UPF1: variants seen among roughly 807,000 people sequenced by gnomAD.
UPF1 encodes the protein UPF1 RNA helicase and ATPase, also known as regulator of nonsense transcripts 1.
UPF1 carries 9 observed loss-of-function variants against 129.2 expected under a neutral mutation model. The ratio of observed to expected loss-of-function variants is 0.07; its 90% CI spans 0.04 to 0.12. The LOEUF (loss-of-function observed/expected upper bound fraction) is 0.12. UPF1 is among the 10% of genes least tolerant of loss of function. UPF1 has a pLI of 1.00. For synonymous variants in UPF1, 649 were observed against 644.9 expected (o/e 1.01, Z -0.10); for missense variants, 788 against 1,525.3 (o/e 0.52, Z 8.05).
chr19:18,850,301 A>G lies in UPF1; in HGVS notation c.629+59A>G. 5 of 1,520,356 alleles carry G rather than the reference A, an allele frequency of 3.3e-6. No homozygotes were observed. Among genetic ancestry groups the G allele is most frequent in the Non-Finnish European group, 4.4e-6 (5 of 1,136,676 alleles). The allele number at this position is 1,520,356 out of a possible 1,614,324, so 94.2% of individuals were successfully genotyped here. A position where few individuals can be genotyped will look rare whatever the true frequency, so the allele number is the denominator to read the frequency against. ...CTTTAAGCTCCAGCCGTCTCCTCACAAGCCTTGGCCCAGCCCAGCCCAGCC... is the reference window on the plus strand; with the variant it reads ...CTTTAAGCTCCAGCCGTCTCCTCACGAGCCTTGGCCCAGCCCAGCCCAGCC... On this transcript the variant is annotated intron_variant, in intron 4 of 23. Coordinates refer to ENST00000262803, the MANE Select transcript of UPF1 (RefSeq NM_002911.4). The surrounding 1 kb of genome is among the most constrained non-coding windows in gnomAD (Gnocchi z 7.1).
chr19:18,855,278 G>C (rs1434878954), intron 11 of UPF1, 36 bp downstream of exon 11: 1 of 1,599,554 alleles, frequency 6.3e-7, no homozygotes, highest in Non-Finnish European at 8.5e-7. Flanking sequence ...CAAGACCCGG[G>C]AGGGCTTTAG....
chr19:18,857,834 G>A (rs1033608600), intron 15 of UPF1, among the ~76,000 whole-genome samples: 2 of 152,230 alleles, frequency 1.3e-5, no homozygotes, highest in African/African-American at 4.8e-5. Context: ...GCTGAGCCCG[G>A]GCCTTAACGT....
intron 1 of UPF1, among the ~76,000 whole-genome samples, chr19:18,841,343 C>A (rs985004017): frequency 6.6e-6 from 1 of 152,154 alleles, no homozygotes; most frequent in Admixed American, 6.5e-5. Flanking sequence ...GATACTCAGC[C>A]ATTTTGACCT....
Position 18,832,194 on chromosome 19 carries a change from C to T in UPF1, c.-16C>T. On this transcript the variant is annotated 5_prime_UTR_variant, in exon 1 of 24. Transcript: ENST00000262803. The surrounding 1 kb of genome is among the most constrained non-coding windows in gnomAD (Gnocchi z 5.6). ...TGCAGCGCGGAACCGGCCCGAGGGC[C>T]CTACCCGGAGGCACCATGAGCGTGG... 1 of 1,532,732 alleles carries T rather than the reference C, an allele frequency of 6.5e-7. No individual in the cohort carries two copies. Among genetic ancestry groups the T allele is most frequent in the Non-Finnish European group, 8.8e-7 (1 of 1,138,392 alleles). 94.9% of individuals were successfully genotyped at this position (1,532,732 alleles called of 1,614,324 possible). A position where few individuals can be genotyped will look rare whatever the true frequency, so the allele number is the denominator to read the frequency against.
At chr19:18,842,068 G>A (rs1230963747) in intron 1 of UPF1, among the ~76,000 whole-genome samples, 1 of 152,192 alleles carries the variant, frequency 6.6e-6, no homozygotes, top group Admixed American at 6.5e-5. Context: ...CTGCACTCCA[G>A]CCTGGGTGGC....
Position 18,851,573 on chromosome 19 carries a change from C to T in UPF1, c.811-562C>T, listed in dbSNP as rs1050359237. Among the ~76,000 whole-genome samples, 1 of 152,178 alleles carries T rather than the reference C, an allele frequency of 6.6e-6. No individual in the cohort carries two copies. Among genetic ancestry groups the T allele is most frequent in the African/African-American group, 2.4e-5 (1 of 41,434 alleles). Reference sequence around the variant, plus strand: ...ATGATTCCCGTTTATATCTGAACAGCCCAGAAAATGTCCTGTCCCCACCAG... The same window carrying T: ...ATGATTCCCGTTTATATCTGAACAGTCCAGAAAATGTCCTGTCCCCACCAG... On this transcript the variant is annotated intron_variant, in intron 5 of 23. Transcript: ENST00000262803. This position sits in a 1 kb window ranked among gnomAD's most constrained non-coding sequence, Gnocchi z 4.2.
rs1015164955 is a variant in UPF1 at position 18,851,993 on chromosome 19, G to T, written c.811-142G>T. 1 of 1,252,510 alleles carries T rather than the reference G, an allele frequency of 8.0e-7. No individual in the cohort carries two copies. Among genetic ancestry groups the T allele is most frequent in the South Asian group, 1.7e-5 (1 of 58,000 alleles). The allele number at this position is 1,252,510 out of a possible 1,614,324, so 77.6% of individuals were successfully genotyped here. A position where few individuals can be genotyped will look rare whatever the true frequency, so the allele number is the denominator to read the frequency against. On this transcript the variant is annotated intron_variant, in intron 5 of 23. Transcript: ENST00000262803. This position sits in a 1 kb window ranked among gnomAD's most constrained non-coding sequence, Gnocchi z 4.2. ...GGGTTCTCCTTGCAGGTGGGGCTGC[G>T]CCAGAACCCCTCCATGCCACCCACC... is the stretch of plus-strand genomic sequence containing the variant.
At position 18,850,331 on chromosome 19, in the gene UPF1, C is replaced by G; in HGVS notation, c.629+89C>G. On this transcript the variant is annotated intron_variant, in intron 4 of 23. Coordinates refer to ENST00000262803, the MANE Select transcript of UPF1 (RefSeq NM_002911.4). The surrounding 1 kb of genome is among the most constrained non-coding windows in gnomAD (Gnocchi z 7.1). ...TTGGCCCAGCCCAGCCCAGCCGTGG[C>G]TCTAACTCCAGGGAGTTGTCCTCCA... The G allele has an allele frequency of 6.7e-6, 10 of 1,484,362 alleles. No individual in the cohort carries two copies. The highest frequency in any genetic ancestry group is 9.0e-6 in the Non-Finnish European group (10 of 1,113,664). 91.9% of individuals were successfully genotyped at this position (1,484,362 alleles called of 1,614,324 possible). A position where few individuals can be genotyped will look rare whatever the true frequency, so the allele number is the denominator to read the frequency against.
intron 1 of UPF1, among the ~76,000 whole-genome samples, chr19:18,841,205 C>G (rs571847815): frequency 6.6e-6 from 1 of 152,382 alleles, no homozygotes; most frequent in South Asian, 2.1e-4. Flanking sequence ...CTCCGTCTCC[C>G]TGATGAGACA....
rs548404196 is a variant in UPF1, at chr19:18,855,385, C to T, written c.1544+143C>T. 33 of 841,158 alleles carry T rather than the reference C, an allele frequency of 3.9e-5. No individual in the cohort carries two copies. In the East Asian group the frequency reaches 8.5e-4, roughly 22 times the overall value. 52.1% of individuals were successfully genotyped at this position (841,158 alleles called of 1,614,324 possible). A position where few individuals can be genotyped will look rare whatever the true frequency, so the allele number is the denominator to read the frequency against. On this transcript the variant is annotated intron_variant, in intron 11 of 23. Coordinates refer to ENST00000262803, the MANE Select transcript of UPF1 (RefSeq NM_002911.4). ...GTGTCGCCATGGTGCCTACCGCTCT[C>T]TATGTGACATTATTCGTGTCAGCTC...
intron 5 of UPF1, 64 bp from the exon 6 acceptor site, chr19:18,852,071 G>T: frequency 6.7e-7 from 1 of 1,500,716 alleles, no homozygotes; most frequent in Non-Finnish European, 8.9e-7. Flanking sequence ...GTGCCTCTGC[G>T]CCCTCGTTCA....
At chr19:18,847,688 A>G in intron 2 of UPF1, 56 bp from the exon 3 acceptor site, 4 of 1,555,878 alleles carry the variant, frequency 2.6e-6, no homozygotes, top group Non-Finnish European at 3.5e-6. Flanking sequence ...CATCTTGCCA[A>G]ATGAAAACCA....
intron 1 of UPF1, among the ~76,000 whole-genome samples, chr19:18,838,665 C>T (rs1426647128): frequency 6.6e-6 from 1 of 151,796 alleles, no homozygotes; most frequent in Non-Finnish European, 1.5e-5. Context: ...AAAAAATGCT[C>T]ATGACTTCAT....
Position 18,845,988 on chromosome 19 carries a change from C to G in UPF1, c.240C>G (p.Pro80=), listed in dbSNP as rs35427308. The G allele has an allele frequency of 6.2e-7, 1 of 1,613,934 alleles. No individual in the cohort carries two copies. The highest frequency in any genetic ancestry group is 8.5e-7 in the Non-Finnish European group (1 of 1,179,986). ...ACTGCGTTCTGCTGCAGGTTGGGCCCGAAGGCATCCTGCAGAACGGGGCTG... is the reference window on the plus strand; with the variant it reads ...ACTGCGTTCTGCTGCAGGTTGGGCCGGAAGGCATCCTGCAGAACGGGGCTG... ...AAGQLDAQVG[P]EGILQNGAVD... Residue 80 remains proline (P), a synonymous_variant, in exon 2 of 24, where the codon CCC becomes CCG. Transcript: ENST00000262803.
Position 18,856,891 on chromosome 19 carries a change from C to A in UPF1, c.1839C>A (p.Ile613=). ...CCCTTCCCCAGAACGCAGATGTCATCTGCTGCACATGTGTGGGCGCCGGTG... is the reference window on the plus strand; with the variant it reads ...CCCTTCCCCAGAACGCAGATGTCATATGCTGCACATGTGTGGGCGCCGGTG... ...ERELLMNADV[I]CCTCVGAGDP... Residue 613 remains isoleucine (I), a synonymous_variant, in exon 14 of 24, where the codon ATC becomes ATA. Transcript: ENST00000262803. The A allele has an allele frequency of 6.2e-7, 1 of 1,611,648 alleles. No homozygotes were observed. The highest frequency in any genetic ancestry group is 1.1e-5 in the South Asian group (1 of 90,980).
chr19:18,832,193 C>G lies in UPF1; in HGVS notation c.-17C>G, dbSNP rs370409504. ...GTGCAGCGCGGAACCGGCCCGAGGGCCCTACCCGGAGGCACCATGAGCGTG... is the reference window on the plus strand; with the variant it reads ...GTGCAGCGCGGAACCGGCCCGAGGGGCCTACCCGGAGGCACCATGAGCGTG... On this transcript the variant is annotated 5_prime_UTR_variant, in exon 1 of 24. Coordinates refer to ENST00000262803, the MANE Select transcript of UPF1 (RefSeq NM_002911.4). The surrounding 1 kb of genome is among the most constrained non-coding windows in gnomAD (Gnocchi z 5.6). The G allele has an allele frequency of 6.5e-7, 1 of 1,531,468 alleles. No individual in the cohort carries two copies. The highest frequency in any genetic ancestry group is 1.4e-5 in the African/African-American group (1 of 69,456). The allele number at this position is 1,531,468 out of a possible 1,614,324, so 94.9% of individuals were successfully genotyped here.
intron 1 of UPF1, among the ~76,000 whole-genome samples, chr19:18,842,995 A>T (rs989963254): frequency 6.6e-6 from 1 of 152,140 alleles, no homozygotes; most frequent in Admixed American, 6.5e-5. Flanking sequence ...CTCAAAAAAA[A>T]AAAAAATTTA....
At chr19:18,855,828 A>G (rs1462245558) in intron 11 of UPF1, 97 bp from the exon 12 acceptor site, 2 of 1,487,348 alleles carry the variant, frequency 1.3e-6, no homozygotes, top group Non-Finnish European at 1.8e-6. Flanking sequence ...AGCCTGGGCA[A>G]CAGAGCAAGA....
At position 18,850,171 on chromosome 19, in the gene UPF1, C is replaced by T. The variant is rs1394776849; in HGVS notation, c.558C>T (p.Cys186=). 9 of 1,614,004 alleles carry T rather than the reference C, an allele frequency of 5.6e-6. No homozygotes were observed. The highest frequency in any genetic ancestry group is 3.3e-5 in the South Asian group (3 of 91,062). Residue 186 remains cysteine (C), a synonymous_variant, in exon 4 of 24, where the codon TGC becomes TGT. Coordinates refer to ENST00000262803, the MANE Select transcript of UPF1 (RefSeq NM_002911.4). The surrounding 1 kb of genome is among the most constrained non-coding windows in gnomAD (Gnocchi z 7.1). ...LGETVLECYN[C]GCRNVFLLGF... is the part of the protein sequence containing the mutation. Reference sequence around the variant, plus strand: ...AGACAGTCCTGGAGTGCTACAACTGCGGCTGTCGCAACGTCTTCCTCCTCG... The same window carrying T: ...AGACAGTCCTGGAGTGCTACAACTGTGGCTGTCGCAACGTCTTCCTCCTCG...
Sources: allele counts gnomAD v4.1 joint callset (sites outside exome capture counted in the v4.1 genomes callset), GRCh38; gene constraint gnomAD v4.1.1; non-coding constraint Gnocchi (gnomAD v3.1); transcripts MANE v1.5; gene names NCBI Gene and HGNC (gene_info 2026-07-23, HGNC 2026-07-21).